The following NCKAP1 variants were observed in gnomAD, a reference collection of about 807,000 sequenced individuals.
NCKAP1 encodes the protein NCK associated protein 1.
NCKAP1 carries 21 observed loss-of-function variants against 151.2 expected under a neutral mutation model. The observed-to-expected ratio is 0.14, with a 90% CI of 0.10 to 0.20. The LOEUF is 0.20. Among genes scored for constraint, NCKAP1 ranks in the 10% least tolerant of loss-of-function variants. The pLI, the probability that NCKAP1 is intolerant of heterozygous loss-of-function variation, is 1.00. For synonymous variants in NCKAP1, 484 were observed against 451.8 expected, an observed-to-expected ratio of 1.07 and a Z score of -0.90; for missense variants, 933 against 1,352.1, an observed-to-expected ratio of 0.69 and a Z score of 4.86.
chr2:182,914,898 T>C lies in NCKAP1; in HGVS notation c.*10804A>G, dbSNP rs1166096925. 6.6e-6 allele frequency: 1 copy of C among 152,186 alleles called. No homozygotes were observed. Among genetic ancestry groups the C allele is most frequent in the African/African-American group, 2.4e-5 (1 of 41,440 alleles). 9.4% of individuals were successfully genotyped at this position (152,186 alleles called of 1,614,324 possible). The stretch of plus-strand genomic sequence containing the variant: ...TGCTCAGAGGAGCATTGACTACCTT[T>C]TCCATCCCTTCCCTTTAAAGAAATC... On this transcript the variant is annotated 3_prime_UTR_variant, in exon 31 of 31. Coordinates refer to ENST00000361354, the MANE Select transcript of NCKAP1 (RefSeq NM_013436.5).
intron 29 of NCKAP1, among the ~76,000 whole-genome samples, chr2:182,927,479 G>A (rs1696672130): frequency 1.3e-5 from 2 of 151,954 alleles, no homozygotes; most frequent in Admixed American, 6.6e-5. Context: ...AGAAGTAAAT[G>A]TTCTAGAGTT....
chr2:182,993,865 A>G (rs1291850286), intron 8 of NCKAP1, among the ~76,000 whole-genome samples: 1 of 152,230 alleles, frequency 6.6e-6, no homozygotes, highest in East Asian at 1.9e-4. Flanking sequence ...AAAAGTTTAA[A>G]TAAAATCTCT....
At chr2:182,950,398 C>T (rs1032294741) in intron 23 of NCKAP1, among the ~76,000 whole-genome samples, 1 of 151,948 alleles carries the variant, frequency 6.6e-6, no homozygotes, top group African/African-American at 2.4e-5. Context: ...CATAATTCTT[C>T]TATTATCTCA....
At chr2:182,938,038 G>T (rs1028195062) in intron 24 of NCKAP1, among the ~76,000 whole-genome samples, 3 of 152,204 alleles carry the variant, frequency 2.0e-5, no homozygotes, top group African/African-American at 7.2e-5. Context: ...TTAAAACACA[G>T]ACTGCTGGGC....
At position 182,912,682 on chromosome 2, in the gene NCKAP1, G is replaced by A. The variant is rs1371600404; in HGVS notation, c.*13020C>T. The A allele has an allele frequency of 6.6e-6, 1 of 152,178 alleles. No homozygotes were observed. The highest frequency in any genetic ancestry group is 1.5e-5 in the Non-Finnish European group (1 of 68,022). The allele number at this position is 152,178 out of a possible 1,614,324, so 9.4% of individuals were successfully genotyped here. A position where few individuals can be genotyped will look rare whatever the true frequency, so the allele number is the denominator to read the frequency against. On this transcript the variant is annotated 3_prime_UTR_variant, in exon 31 of 31. Transcript: ENST00000361354. ...AAAAATGGAATTTGAATGTTAGAGTGCAACCTGACAAAATGATTTATTACT... is the reference window on the plus strand; with the variant it reads ...AAAAATGGAATTTGAATGTTAGAGTACAACCTGACAAAATGATTTATTACT...
Position 182,994,891 on chromosome 2 carries a change from A to C in NCKAP1, c.742-4T>G. The stretch of plus-strand genomic sequence containing the variant: ...AAGAGAGGTATTCACAAGGCATCTT[A>C]AAAAGAGAATATATACATTTGCAGT... On this transcript the variant is annotated splice_polypyrimidine_tract_variant and splice_region_variant and intron_variant, in intron 7 of 30. Transcript: ENST00000361354. 1 of 1,599,256 alleles carries C rather than the reference A, an allele frequency of 6.3e-7. No individual in the cohort carries two copies. The highest frequency in any genetic ancestry group is 8.6e-7 in the Non-Finnish European group (1 of 1,167,086).
At chr2:182,968,623 C>G (rs1697624027) in intron 15 of NCKAP1, among the ~76,000 whole-genome samples, 1 of 152,214 alleles carries the variant, frequency 6.6e-6, no homozygotes, top group South Asian at 2.1e-4. Context: ...GCAACACAAA[C>G]AGACTGCATG....
intron 20 of NCKAP1, among the ~76,000 whole-genome samples, chr2:182,955,659 C>T (rs1697309302): frequency 6.6e-6 from 1 of 152,128 alleles, no homozygotes; most frequent in Non-Finnish European, 1.5e-5. Flanking sequence ...TTACTGTGAC[C>T]TACTGCATGA....
chr2:182,989,959 C>T (rs751201340), intron 8 of NCKAP1, among the ~76,000 whole-genome samples: 34 of 151,434 alleles, frequency 2.2e-4, no homozygotes, highest in East Asian at 9.7e-4. Context: ...CACTGCACTC[C>T]GGCCTGGGTG....
chr2:183,038,354 C>T lies in NCKAP1; in HGVS notation c.-255G>A, dbSNP rs978002187. ...CTTCCGCCCGCCGCCCTTCCGCCCC[C>T]ACCCCCGGCGCTCTCCGCCCCAGCC... On this transcript the variant is annotated 5_prime_UTR_variant, in exon 1 of 31. Transcript: ENST00000361354. The T allele has an allele frequency of 3.3e-5, 10 of 306,786 alleles. No individual in the cohort carries two copies. The highest frequency in any genetic ancestry group is 1.8e-4 in the African/African-American group (8 of 45,570). The allele number at this position is 306,786 out of a possible 1,614,324, so 19.0% of individuals were successfully genotyped here. A position where few individuals can be genotyped will look rare whatever the true frequency, so the allele number is the denominator to read the frequency against.
At chr2:183,034,759 CTG>C (rs766773345) in intron 1 of NCKAP1, among the ~76,000 whole-genome samples, 4 of 152,116 alleles carry the variant, frequency 2.6e-5, no homozygotes, top group Non-Finnish European at 5.9e-5. Flanking sequence ...GAAAACTAAA[CTG>C]AGTTCAGTTA....
intron 8 of NCKAP1, among the ~76,000 whole-genome samples, chr2:182,994,260 G>T (rs1261137914): frequency 2.6e-5 from 4 of 152,158 alleles, no homozygotes; most frequent in African/African-American, 7.2e-5. Context: ...CGTAGCCCAT[G>T]AGCCTTGGAG....
At chr2:182,947,330 G>A (rs1252901929) in intron 23 of NCKAP1, among the ~76,000 whole-genome samples, 1 of 152,150 alleles carries the variant, frequency 6.6e-6, no homozygotes, top group Non-Finnish European at 1.5e-5. Context: ...TGTAAAGAGG[G>A]CTGGGGAGAA....
chr2:182,930,690 T>C lies in NCKAP1; in HGVS notation c.2953+5A>G, dbSNP rs1222621927. 1 of 1,610,810 alleles carries C rather than the reference T, an allele frequency of 6.2e-7. No homozygotes were observed. Among genetic ancestry groups the C allele is most frequent in the African/African-American group, 1.3e-5 (1 of 74,962 alleles). On this transcript the variant is annotated splice_donor_5th_base_variant and intron_variant, in intron 27 of 30. Coordinates refer to ENST00000361354, the MANE Select transcript of NCKAP1 (RefSeq NM_013436.5). ...GAGTATTAAATATTTACTAATGCAT[T>C]TTACCCGATTTTTGTGAAGAAAGAG...
At chr2:182,963,591 G>C (rs1384328843) in intron 17 of NCKAP1, among the ~76,000 whole-genome samples, 1 of 152,028 alleles carries the variant, frequency 6.6e-6, no homozygotes. Flanking sequence ...TCCATTTAGA[G>C]TACATATGAA....
chr2:183,004,488 C>CAAAAA (rs34055584), intron 2 of NCKAP1, among the ~76,000 whole-genome samples: 32 of 78,746 alleles, frequency 4.1e-4, no homozygotes, highest in African/African-American at 8.3e-4. Flanking sequence ...AAACAGCAAG[C>CAAAAA]AAAAAAAAAA....
In NCKAP1 at chr2:182,996,397, T is replaced by C. The variant is rs565778819; in HGVS notation, c.604-559A>G. On this transcript the variant is annotated intron_variant, in intron 6 of 30. Transcript: ENST00000361354. ...TTTAACGTTTCATCTCAACTGTTTC[T>C]TTCTTGCTTTCATAAATGTCTTTTG... Among the ~76,000 whole-genome samples the C allele has an allele frequency of 2.0e-5, 3 of 152,384 alleles. No individual in the cohort carries two copies. In the South Asian group the frequency reaches 6.2e-4, roughly 32 times the overall value.
chr2:183,023,533 A>G (rs1283415843), intron 2 of NCKAP1, among the ~76,000 whole-genome samples: 3 of 152,178 alleles, frequency 2.0e-5, no homozygotes, highest in Non-Finnish European at 4.4e-5. Context: ...GAATATATAC[A>G]TATCTATTAC....
At chr2:182,957,379 C>T in intron 19 of NCKAP1, 78 bp downstream of exon 19, 1 of 1,343,088 alleles carries the variant, frequency 7.4e-7, no homozygotes, top group Non-Finnish European at 1.0e-6. Context: ...AGCATTTCCT[C>T]AGTACTAATG....
Sources: gnomAD v4.1 joint callset for allele counts (sites outside exome capture counted in the v4.1 genomes callset) on GRCh38, gnomAD v4.1.1 for gene constraint, MANE v1.5 for transcripts, NCBI Gene and HGNC (gene_info 2026-07-23, HGNC 2026-07-21) for gene names.